The following ANKRD30A variants were observed in gnomAD, a reference collection of about 807,000 sequenced individuals.
ANKRD30A encodes the protein ankyrin repeat domain-containing protein 30A.
Under a neutral mutation model 166.3 loss-of-function variants are expected in ANKRD30A, and 170 were observed. The observed-to-expected ratio is 1.02, with a 90% CI of 0.90 to 1.16. ANKRD30A has a LOEUF of 1.16. Ranked by LOEUF, ANKRD30A falls within the 50% of genes most tolerant of loss-of-function variation. ANKRD30A has a pLI of 0.00. For missense variants in ANKRD30A, 1,630 were observed against 1,518.0 expected, an observed-to-expected ratio of 1.07 and a Z score of -1.23; for synonymous variants, 564 against 508.9, an observed-to-expected ratio of 1.11 and a Z score of -1.46.
chr10:37,142,635 A>G (rs1837227869), intron 7 of ANKRD30A, among the ~76,000 whole-genome samples: 2 of 118,612 alleles, frequency 1.7e-5, no homozygotes, highest in South Asian at 2.8e-4. Flanking sequence ...CCTGGGCTGG[A>G]GTGCAATGGC....
At chr10:37,203,233 T>C (rs1841768654) in intron 31 of ANKRD30A, among the ~76,000 whole-genome samples, 1 of 152,182 alleles carries the variant, frequency 6.6e-6, no homozygotes, top group Admixed American at 6.5e-5. Context: ...GCAAAAATCC[T>C]CAATAAAATA....
chr10:37,254,630 T>C, the ANKRD30A span, among the ~76,000 whole-genome samples: 1 of 151,896 alleles, frequency 6.6e-6, no homozygotes, highest in African/African-American at 2.4e-5. Flanking sequence ...AAATATATAA[T>C]TTGCAAACAT....
At chr10:37,202,090 T>A (rs1428591217) in intron 31 of ANKRD30A, among the ~76,000 whole-genome samples, 1 of 151,942 alleles carries the variant, frequency 6.6e-6, no homozygotes, top group Non-Finnish European at 1.5e-5. Flanking sequence ...AGGCCTTTTG[T>A]GGGAAAAATG....
At chr10:37,191,017 G>T (rs1022337557) in intron 25 of ANKRD30A, among the ~76,000 whole-genome samples, 1 of 151,720 alleles carries the variant, frequency 6.6e-6, no homozygotes, top group Non-Finnish European at 1.5e-5. Context: ...ATAAAACTCT[G>T]AATTTATGAC....
the ANKRD30A span, chr10:37,248,227 A>T: frequency 1.6e-6 from 1 of 624,044 alleles, no homozygotes; most frequent in Non-Finnish European, 3.1e-6. Context: ...AATGCCAAAG[A>T]CTTCAACACA....
intron 6 of ANKRD30A, among the ~76,000 whole-genome samples, chr10:37,137,499 A>C (rs1836791343): frequency 6.6e-6 from 1 of 152,176 alleles, no homozygotes; most frequent in South Asian, 2.1e-4. Context: ...GACAGACGGC[A>C]CCTGGAAAAT....
At chr10:37,249,399 G>A in the ANKRD30A span, among the ~76,000 whole-genome samples, 1 of 151,780 alleles carries the variant, frequency 6.6e-6, no homozygotes, top group East Asian at 1.9e-4. Flanking sequence ...GGCCATTTGA[G>A]GTGGGAAGTA....
At chr10:37,242,274 C>T in the ANKRD30A span, among the ~76,000 whole-genome samples, 1 of 152,122 alleles carries the variant, frequency 6.6e-6, no homozygotes, top group Non-Finnish European at 1.5e-5. Context: ...ACTTTTTGAA[C>T]ATGGCTATCA....
At chr10:37,183,211 G>A (rs1416941433) in intron 24 of ANKRD30A, among the ~76,000 whole-genome samples, 2 of 148,780 alleles carry the variant, frequency 1.3e-5, no homozygotes, top group South Asian at 2.2e-4. Context: ...TTTCCAATAC[G>A]CATTACAACT....
chr10:37,245,974 G>C, the ANKRD30A span, among the ~76,000 whole-genome samples: 3 of 152,128 alleles, frequency 2.0e-5, no homozygotes, highest in East Asian at 3.9e-4. Flanking sequence ...AGAATAGCCT[G>C]TCATATCAGT....
chr10:37,152,296 T>C (rs17605961), intron 12 of ANKRD30A, among the ~76,000 whole-genome samples, 175 bp downstream of exon 12: 1 of 152,142 alleles, frequency 6.6e-6, no homozygotes, highest in Non-Finnish European at 1.5e-5. Context: ...TACTGCTTCA[T>C]AGTGAAATTC....
intron 31 of ANKRD30A, among the ~76,000 whole-genome samples, chr10:37,202,003 G>A (rs1841655706): frequency 6.6e-6 from 1 of 152,060 alleles, no homozygotes; most frequent in Non-Finnish European, 1.5e-5. Flanking sequence ...GCTGACTTGG[G>A]ATTCTGCATT....
At chr10:37,158,621 G>A (rs11011052) in intron 15 of ANKRD30A, 35 bp downstream of exon 15, 153,777 of 1,605,042 alleles carry the variant, frequency 0.096, 8,164 homozygotes, top group Middle Eastern at 0.12. Context: ...CTCTGGAAAG[G>A]AGAATATTAA....
chr10:37,210,700 C>T (rs1842255141), intron 31 of ANKRD30A, among the ~76,000 whole-genome samples: 2 of 152,168 alleles, frequency 1.3e-5, no homozygotes. Context: ...TTTTGATTTG[C>T]ATTTCTCTAA....
chr10:37,190,149 G>A (rs1840413406), intron 25 of ANKRD30A, among the ~76,000 whole-genome samples: 1 of 151,974 alleles, frequency 6.6e-6, no homozygotes, highest in Middle Eastern at 3.4e-3. Context: ...TATATAAATT[G>A]TCATATACAC....
chr10:37,129,867 G>T, intron 1 of ANKRD30A, 26 bp from the exon 2 acceptor site: 2 of 1,420,070 alleles, frequency 1.4e-6, no homozygotes, highest in South Asian at 1.7e-5. Context: ...ACTAAACTTT[G>T]CCAAAAAGTC....
intron 3 of ANKRD30A, 107 bp downstream of exon 3, chr10:37,130,485 A>T (rs1267869865): frequency 2.3e-6 from 2 of 851,710 alleles, no homozygotes; most frequent in East Asian, 6.8e-5. Context: ...CCTTGAATGA[A>T]AATAGTTTGA....
Position 37,196,656 on chromosome 10 carries a change from G to A in ANKRD30A, c.2615-625G>A, listed in dbSNP as rs138053337. Among the ~76,000 whole-genome samples the A allele has an allele frequency of 3.0e-4, 46 of 152,230 alleles. No individual in the cohort carries two copies. The East Asian group carries it at 7.1e-3, about 24-fold the overall frequency. On this transcript the variant is annotated intron_variant, in intron 27 of 35. Transcript: ENST00000361713. ...AATATGTCAATATTGAAAGCTTAGT[G>A]TAGATTATTTCCATGATGAGTTTTA...
At chr10:37,256,635 A>G in the ANKRD30A span, among the ~76,000 whole-genome samples, 1 of 152,324 alleles carries the variant, frequency 6.6e-6, no homozygotes, top group East Asian at 1.9e-4. Context: ...GCTATAATCT[A>G]TGTTAGACTC....
Sources: allele counts gnomAD v4.1 joint callset (sites outside exome capture counted in the v4.1 genomes callset), GRCh38; gene constraint gnomAD v4.1.1; transcripts MANE v1.5; gene names NCBI Gene and HGNC (gene_info 2026-07-23, HGNC 2026-07-21).